COL25A1: variants seen among roughly 807,000 people sequenced by gnomAD.
COL25A1 encodes the protein collagen type XXV alpha 1 chain, also known as collagen alpha-1(XXV) chain.
Under a neutral mutation model 128.4 loss-of-function variants are expected in COL25A1, and 103 were observed. The observed-to-expected ratio is 0.80, with a 90% CI of 0.68 to 0.94. COL25A1 has a LOEUF of 0.94. COL25A1 is among the 40% of genes least tolerant of loss of function. The pLI, the probability that COL25A1 is intolerant of heterozygous loss-of-function variation, is 0.00. For missense variants in COL25A1, 745 were observed against 840.0 expected (o/e 0.89, Z 1.40); for synonymous variants, 279 against 277.2 (o/e 1.01, Z -0.06).
chr4:108,977,614 T>A (rs12152701), intron 6 of COL25A1, among the ~76,000 whole-genome samples: 9 of 152,242 alleles, frequency 5.9e-5, no homozygotes, highest in Non-Finnish European at 1.2e-4. Flanking sequence ...TTAAGTAGCA[T>A]GTTAGTTAAC....
chr4:109,065,541 CGCGCGTGTGTGTGT>C (rs1560624953), intron 3 of COL25A1, among the ~76,000 whole-genome samples: 1 of 133,474 alleles, frequency 7.5e-6, no homozygotes. Flanking sequence ...CACGCGCGCG[CGCGCGTGTGTGTGT>C]GTGTGTGTGT....
chr4:108,922,023 C>T (rs1745547554), intron 11 of COL25A1, among the ~76,000 whole-genome samples: 1 of 152,160 alleles, frequency 6.6e-6, no homozygotes, highest in Non-Finnish European at 1.5e-5. Flanking sequence ...AAGAGCCCCT[C>T]CTCCTATACA....
In COL25A1 at chr4:108,860,988, G is replaced by T; in HGVS notation, c.1198-17C>A. The T allele has an allele frequency of 6.2e-7, 1 of 1,612,272 alleles. No individual in the cohort carries two copies. The highest frequency in any genetic ancestry group is 8.5e-7 in the Non-Finnish European group (1 of 1,178,554). ...ACGATCCCCCTTTTCCCGTTGGAAA[G>T]AGAAAAAACTTAATCAGAAGTGGGG... On this transcript the variant is annotated splice_polypyrimidine_tract_variant and intron_variant, in intron 22 of 37. Coordinates refer to ENST00000399132, the MANE Select transcript of COL25A1 (RefSeq NM_198721.4).
chr4:108,859,759 A>G, intron 23 of COL25A1, 26 bp from the exon 24 acceptor site: 20 of 1,576,598 alleles, frequency 1.3e-5, no homozygotes, highest in Non-Finnish European at 1.7e-5. Context: ...TCAAGGGAAA[A>G]TCATGGGTAT....
chr4:108,866,124 G>T (rs1737877625), intron 20 of COL25A1, among the ~76,000 whole-genome samples: 1 of 151,776 alleles, frequency 6.6e-6, no homozygotes, highest in African/African-American at 2.4e-5. Context: ...TCAAAACATT[G>T]GTGAATTAAT....
At chr4:108,881,637 A>C (rs1740137623) in intron 19 of COL25A1, among the ~76,000 whole-genome samples, 1 of 152,080 alleles carries the variant, frequency 6.6e-6, no homozygotes, top group Admixed American at 6.6e-5. Flanking sequence ...CTAATAGAAG[A>C]AATGTAAATT....
Position 108,841,713 on chromosome 4 carries a change from A to G in COL25A1, c.1638T>C (p.His546=), listed in dbSNP as rs543315044. 1.2e-6 allele frequency: 2 copies of G among 1,611,834 alleles called. No individual in the cohort carries two copies. The highest frequency in any genetic ancestry group is 4.5e-5 in the East Asian group (2 of 44,802). Residue 546 remains histidine, a synonymous_variant, in exon 31 of 38, where the codon CAT becomes CAC. Coordinates refer to ENST00000399132, the MANE Select transcript of COL25A1 (RefSeq NM_198721.4). Reference sequence around the variant, plus strand: ...GGATTACCTTTGGTCCAGGAAGTCCATGAGGTCCCTGAAAATGGAAAACAG... The same window carrying G: ...GGATTACCTTTGGTCCAGGAAGTCCGTGAGGTCCCTGAAAATGGAAAACAG... ...PHGPPGPMGP[H]GLPGPKGTDG... is the part of the protein sequence containing the mutation.
intron 3 of COL25A1, among the ~76,000 whole-genome samples, chr4:109,210,933 T>A (rs2126196039): frequency 6.6e-6 from 1 of 152,018 alleles, no homozygotes; most frequent in African/African-American, 2.4e-5. Context: ...GAAAACCAAA[T>A]ACCGCATGTT....
intron 3 of COL25A1, among the ~76,000 whole-genome samples, chr4:109,266,708 A>G (rs183398579): frequency 2.0e-5 from 3 of 152,280 alleles, no homozygotes; most frequent in Admixed American, 1.3e-4. Flanking sequence ...ACTCTCAACC[A>G]TAGAAAGTGA....
chr4:108,903,554 T>A (rs1484839808), intron 13 of COL25A1, among the ~76,000 whole-genome samples: 1 of 152,058 alleles, frequency 6.6e-6, no homozygotes, highest in African/African-American at 2.4e-5. Flanking sequence ...CTAAAATAAA[T>A]ACCTCTGTAA....
intron 35 of COL25A1, among the ~76,000 whole-genome samples, chr4:108,822,043 A>ATTTTTTGTTTTTTTTT (rs1731826546): frequency 1.1e-5 from 1 of 89,964 alleles, no homozygotes; most frequent in Non-Finnish European, 2.1e-5. Context: ...CCTAATGGTA[A>ATTTTTTGTTTTTTTTT]TTTTTTTTTT....
At chr4:109,256,807 C>T (rs2126250964) in intron 3 of COL25A1, among the ~76,000 whole-genome samples, 1 of 152,220 alleles carries the variant, frequency 6.6e-6, no homozygotes, top group Non-Finnish European at 1.5e-5. Context: ...TAGATCATAC[C>T]TAAACCTCCT....
chr4:109,134,532 G>A (rs1192360717), intron 3 of COL25A1, among the ~76,000 whole-genome samples: 1 of 152,160 alleles, frequency 6.6e-6, no homozygotes, highest in African/African-American at 2.4e-5. Flanking sequence ...CATTTCCAAT[G>A]AGAGTCACTA....
In COL25A1 at chr4:109,301,705, T is replaced by C. The variant is rs1434325160; in HGVS notation, c.297+18A>G. On this transcript the variant is annotated intron_variant, in intron 2 of 37. Coordinates refer to ENST00000399132, the MANE Select transcript of COL25A1 (RefSeq NM_198721.4). ...TACAAGATGTTACCCACGTGCAAAATACCCCAGCCTCTCACACCTGAGCCA... is the reference window on the plus strand; with the variant it reads ...TACAAGATGTTACCCACGTGCAAAACACCCCAGCCTCTCACACCTGAGCCA... The C allele has an allele frequency of 8.7e-6, 14 of 1,604,960 alleles. No homozygotes were observed. The highest frequency in any genetic ancestry group is 4.5e-5 in the East Asian group (2 of 44,716).
chr4:109,159,004 G>A (rs1186675997), intron 3 of COL25A1, among the ~76,000 whole-genome samples: 1 of 151,776 alleles, frequency 6.6e-6, no homozygotes, highest in African/African-American at 2.4e-5. Flanking sequence ...TACGTAGTAT[G>A]TATTTTATTA....
intron 3 of COL25A1, among the ~76,000 whole-genome samples, chr4:109,191,231 A>G (rs1775585036): frequency 6.6e-6 from 1 of 152,226 alleles, no homozygotes. Context: ...TTCAGTGATG[A>G]AATAAATTAT....
intron 3 of COL25A1, among the ~76,000 whole-genome samples, chr4:109,181,798 G>A (rs1221165960): frequency 1.3e-5 from 2 of 151,822 alleles, no homozygotes; most frequent in Non-Finnish European, 2.9e-5. Context: ...TATATCCCTT[G>A]AACTTTTCCT....
At chr4:109,208,462 A>G (rs962304023) in intron 3 of COL25A1, among the ~76,000 whole-genome samples, 2 of 150,062 alleles carry the variant, frequency 1.3e-5, no homozygotes, top group African/African-American at 4.9e-5. Context: ...TTTTTTTTCC[A>G]AGAAAGAAGA....
chr4:109,198,657 C>T (rs1260576553), intron 3 of COL25A1, among the ~76,000 whole-genome samples: 1 of 152,182 alleles, frequency 6.6e-6, no homozygotes, highest in Non-Finnish European at 1.5e-5. Flanking sequence ...TGAACAGACA[C>T]AGCAAAGTGT....
Sources: allele counts gnomAD v4.1 joint callset (sites outside exome capture counted in the v4.1 genomes callset), GRCh38; gene constraint gnomAD v4.1.1; transcripts MANE v1.5; gene names NCBI Gene and HGNC (gene_info 2026-07-23, HGNC 2026-07-21).